The following FHIT variants were observed in gnomAD, a reference collection of about 807,000 sequenced individuals.
FHIT encodes the protein bis(5'-adenosyl)-triphosphatase.
A neutral mutation model predicts 17.9 loss-of-function variants in FHIT; 19 were observed. The ratio of observed to expected loss-of-function variants is 1.06; its 90% confidence interval spans 0.74 to 1.56. FHIT has a LOEUF of 1.56. FHIT is among the 40% of genes most tolerant of loss of function. The pLI is 0.00. For synonymous variants in FHIT, 81 were observed against 69.7 expected (o/e 1.16, Z -0.81); for missense variants, 248 against 189.2 (o/e 1.31, Z -1.82).
chr3:60,587,273 T>G (rs1158671711), intron 4 of FHIT, among the ~76,000 whole-genome samples: 1 of 152,050 alleles, frequency 6.6e-6, no homozygotes, highest in Non-Finnish European at 1.5e-5. Context: ...ACACGACATG[T>G]TCTCACTCAT....
chr3:60,806,585 A>C (rs1180112740), intron 4 of FHIT, among the ~76,000 whole-genome samples: 7 of 152,208 alleles, frequency 4.6e-5, no homozygotes, highest in African/African-American at 1.7e-4. Context: ...CCGTAAGCTA[A>C]TGGCTCCCAT....
chr3:61,069,956 G>C (rs1187000275), intron 2 of FHIT, among the ~76,000 whole-genome samples: 2 of 152,172 alleles, frequency 1.3e-5, no homozygotes, highest in African/African-American at 4.8e-5. Flanking sequence ...GTCTCACCTA[G>C]GCTGGAATGC....
intron 3 of FHIT, among the ~76,000 whole-genome samples, chr3:60,875,391 A>G (rs974959881): frequency 6.6e-6 from 1 of 152,174 alleles, no homozygotes; most frequent in Non-Finnish European, 1.5e-5. Context: ...GCTGCCCATC[A>G]ACATACTCCT....
Position 59,843,687 on chromosome 3 carries a change from G to A in FHIT, c.348+78659C>T, listed in dbSNP as rs527407407. On this transcript the variant is annotated intron_variant, in intron 8 of 9. Coordinates refer to ENST00000492590, the MANE Select transcript of FHIT (RefSeq NM_002012.4). The stretch of plus-strand genomic sequence containing the variant: ...TTCTCAATTTTCTTTTCAGATTGTT[G>A]TTAGTGGATAAAAATGCAATGTATT... 4.6e-5 allele frequency among the ~76,000 whole-genome samples: 7 copies of A among 151,318 alleles called. No individual in the cohort carries two copies. The South Asian group carries it at 8.3e-4, about 18-fold the overall frequency.
chr3:61,218,113 A>G (rs2039736893), intron 1 of FHIT, among the ~76,000 whole-genome samples: 1 of 152,188 alleles, frequency 6.6e-6, no homozygotes, highest in South Asian at 2.1e-4. Flanking sequence ...GTGGTAAGTT[A>G]TCTGTAAGTA....
At chr3:60,759,265 G>A (rs1301081044) in intron 4 of FHIT, among the ~76,000 whole-genome samples, 2 of 152,172 alleles carry the variant, frequency 1.3e-5, no homozygotes, top group Non-Finnish European at 2.9e-5. Flanking sequence ...CAAATAAGGT[G>A]GCAAGGATAG....
At chr3:60,367,177 G>A (rs1354616693) in intron 5 of FHIT, among the ~76,000 whole-genome samples, 1 of 152,152 alleles carries the variant, frequency 6.6e-6, no homozygotes, top group Non-Finnish European at 1.5e-5. Context: ...ATTCTCAGAG[G>A]ATCAGTGTTT....
At position 59,809,518 on chromosome 3, in the gene FHIT, A is replaced by G. The variant is rs78990522; in HGVS notation, c.349-57197T>C. 4.6e-4 allele frequency among the ~76,000 whole-genome samples: 70 copies of G among 152,350 alleles called. 1 individual carries two copies. In the East Asian group the frequency reaches 9.6e-3, roughly 21 times the overall value. On this transcript the variant is annotated intron_variant, in intron 8 of 9. Transcript: ENST00000492590. ...GTTACAGCAGTCCTAGGAAGCTAAC[A>G]TAATACACTCCCAATTCCCTCTTCT... is the stretch of plus-strand genomic sequence containing the variant.
At chr3:61,151,943 T>C (rs1356554896) in intron 2 of FHIT, among the ~76,000 whole-genome samples, 1 of 152,226 alleles carries the variant, frequency 6.6e-6, no homozygotes, top group African/African-American at 2.4e-5. Flanking sequence ...ATTTGATTAA[T>C]TCATTATGTC....
intron 4 of FHIT, chr3:60,537,499 T>G (rs2107600480): frequency 1.0e-6 from 1 of 977,188 alleles, no homozygotes; most frequent in South Asian, 4.7e-5. Context: ...TCCAGAGAAC[T>G]ATTCTAGTAA....
chr3:60,293,683 C>T (rs1473325995), intron 5 of FHIT, among the ~76,000 whole-genome samples: 1 of 152,060 alleles, frequency 6.6e-6, no homozygotes, highest in East Asian at 1.9e-4. Flanking sequence ...GAAAGTGTAG[C>T]TCTTAGGCTT....
intron 4 of FHIT, among the ~76,000 whole-genome samples, chr3:60,796,299 G>A (rs1267509716): frequency 6.6e-6 from 1 of 152,130 alleles, no homozygotes; most frequent in Non-Finnish European, 1.5e-5. Flanking sequence ...TTTTAAATTA[G>A]AAAACCTAAT....
At chr3:61,166,880 T>A (rs1171187647) in intron 2 of FHIT, 2 of 151,990 alleles carry the variant, frequency 1.3e-5, no homozygotes, top group African/African-American at 4.8e-5. Flanking sequence ...AGTCTGGCAA[T>A]AAAAAAATCA....
intron 5 of FHIT, among the ~76,000 whole-genome samples, chr3:60,357,698 AT>A (rs1699733415): frequency 6.6e-6 from 1 of 152,190 alleles, no homozygotes; most frequent in East Asian, 1.9e-4. Context: ...ACTTAGGCAT[AT>A]TATTCTCTGT....
intron 5 of FHIT, among the ~76,000 whole-genome samples, chr3:60,098,292 C>T (rs1306334984): frequency 7.0e-6 from 1 of 143,804 alleles, no homozygotes; most frequent in African/African-American, 2.6e-5. Flanking sequence ...AATCGCCACA[C>T]TGACTTCCAC....
chr3:61,209,032 C>G (rs552301536), intron 1 of FHIT, among the ~76,000 whole-genome samples: 2 of 152,082 alleles, frequency 1.3e-5, no homozygotes, highest in East Asian at 3.9e-4. Flanking sequence ...AATCTCTCAG[C>G]ATTTGCTTGT....
At chr3:60,545,731 T>A (rs928654751) in intron 4 of FHIT, among the ~76,000 whole-genome samples, 1 of 152,222 alleles carries the variant, frequency 6.6e-6, no homozygotes, top group Non-Finnish European at 1.5e-5. Context: ...GTTGATTTTT[T>A]AGAATTTGAG....
chr3:60,499,615 G>A (rs367924322), intron 5 of FHIT, among the ~76,000 whole-genome samples: 2 of 152,058 alleles, frequency 1.3e-5, no homozygotes, highest in Non-Finnish European at 2.9e-5. Flanking sequence ...TCCTGACCTC[G>A]TGATCCGCCC....
intron 5 of FHIT, among the ~76,000 whole-genome samples, chr3:60,346,272 T>C (rs1426881301): frequency 1.3e-5 from 2 of 152,204 alleles, no homozygotes; most frequent in African/African-American, 4.8e-5. Flanking sequence ...TTGCTACCTA[T>C]AAGAGTAGTG....
Sources: allele counts gnomAD v4.1 joint callset (sites outside exome capture counted in the v4.1 genomes callset), GRCh38; gene constraint gnomAD v4.1.1; transcripts MANE v1.5; gene names NCBI Gene and HGNC (gene_info 2026-07-23, HGNC 2026-07-21).